The following DSCAM variants were observed in gnomAD, a reference collection of about 807,000 sequenced individuals.
The protein encoded by DSCAM is DS cell adhesion molecule.
DSCAM carries 47 observed loss-of-function variants against 217.7 expected under a neutral mutation model. The observed-to-expected ratio is 0.22, with a 90% confidence interval of 0.17 to 0.28. The LOEUF is 0.28. Ranked by LOEUF, DSCAM falls within the 10% of genes least tolerant of loss-of-function variation. The pLI, the probability that DSCAM is intolerant of heterozygous loss-of-function variation, is 1.00. For missense variants in DSCAM, 2,080 were observed against 2,618.3 expected (o/e 0.79, Z 4.49); for synonymous variants, 1,056 against 1,015.3 (o/e 1.04, Z -0.76).
At chr21:40,843,610 G>A (rs1231450069) in intron 1 of DSCAM, among the ~76,000 whole-genome samples, 2 of 152,118 alleles carry the variant, frequency 1.3e-5, no homozygotes, top group African/African-American at 4.8e-5. Flanking sequence ...CGAGGGACGT[G>A]TGTGGGTGAG....
intron 3 of DSCAM, among the ~76,000 whole-genome samples, chr21:40,493,787 C>T (rs1418592926): frequency 4.0e-5 from 6 of 149,786 alleles, no homozygotes; most frequent in Middle Eastern, 7.1e-3. Flanking sequence ...CACTTGAACC[C>T]GAGAGGCAAA....
At chr21:40,825,106 G>GT (rs147673089) in intron 1 of DSCAM, among the ~76,000 whole-genome samples, 3,921 of 151,758 alleles carry the variant, frequency 0.026, 172 homozygotes, top group African/African-American at 0.091. Flanking sequence ...TTAATATAGT[G>GT]TTTTTTTCTC....
At chr21:40,172,555 C>A (rs1386426616) in intron 15 of DSCAM, among the ~76,000 whole-genome samples, 1 of 152,232 alleles carries the variant, frequency 6.6e-6, no homozygotes, top group East Asian at 1.9e-4. Context: ...CACTGCCCAG[C>A]AGCTCCTGTG....
intron 11 of DSCAM, among the ~76,000 whole-genome samples, chr21:40,254,996 C>T (rs1446716635): frequency 6.6e-6 from 1 of 152,000 alleles, no homozygotes; most frequent in East Asian, 1.9e-4. Context: ...GGTAAAGGCC[C>T]CCTGGTCTAA....
chr21:40,735,444 T>C (rs2091053678), intron 1 of DSCAM, among the ~76,000 whole-genome samples: 2 of 152,238 alleles, frequency 1.3e-5, no homozygotes, highest in African/African-American at 2.4e-5. Context: ...AGAAAGCAAG[T>C]TGGCTATAGG....
intron 3 of DSCAM, among the ~76,000 whole-genome samples, chr21:40,503,686 T>G (rs1453279802): frequency 2.0e-5 from 3 of 152,224 alleles, no homozygotes; most frequent in Non-Finnish European, 2.9e-5. Context: ...TTTAAGTCAT[T>G]AACATTCGTC....
At chr21:40,709,233 T>C (rs1234048594) in intron 1 of DSCAM, among the ~76,000 whole-genome samples, 1 of 152,246 alleles carries the variant, frequency 6.6e-6, no homozygotes. Flanking sequence ...TGTGAATGCC[T>C]AGATCTTGTT....
chr21:40,175,186 T>C (rs1429966262), intron 15 of DSCAM, among the ~76,000 whole-genome samples: 2 of 152,188 alleles, frequency 1.3e-5, no homozygotes, highest in African/African-American at 4.8e-5. Context: ...CTTGGCTCAC[T>C]GCAACCTCCG....
intron 3 of DSCAM, among the ~76,000 whole-genome samples, chr21:40,396,679 G>GCTACTACTA (rs3069907): frequency 3.0e-4 from 45 of 151,164 alleles, no homozygotes; most frequent in African/African-American, 9.7e-4. Context: ...TGCCACTGCT[G>GCTACTACTA]CTACTACTAC....
intron 3 of DSCAM, among the ~76,000 whole-genome samples, chr21:40,649,188 C>G (rs1364581867): frequency 6.6e-6 from 1 of 152,234 alleles, no homozygotes; most frequent in Non-Finnish European, 1.5e-5. Context: ...CAGAAGCCAG[C>G]ACTTTTCAGC....
chr21:40,533,519 A>T (rs2076466407), intron 3 of DSCAM, among the ~76,000 whole-genome samples: 1 of 149,738 alleles, frequency 6.7e-6, no homozygotes, highest in Non-Finnish European at 1.5e-5. Flanking sequence ...CCATCCATCC[A>T]TCCATCTGTC....
chr21:40,411,231 T>C (rs1016382064), intron 3 of DSCAM, among the ~76,000 whole-genome samples: 1 of 147,054 alleles, frequency 6.8e-6, no homozygotes, highest in Non-Finnish European at 1.5e-5. Flanking sequence ...CACTGAATTG[T>C]AGGGGAAAAC....
At chr21:40,510,433 T>C (rs1343127639) in intron 3 of DSCAM, among the ~76,000 whole-genome samples, 1 of 152,238 alleles carries the variant, frequency 6.6e-6, no homozygotes, top group Non-Finnish European at 1.5e-5. Flanking sequence ...GTTAGTATTG[T>C]TGACCAAAAT....
At chr21:40,782,655 A>C (rs956505199) in intron 1 of DSCAM, among the ~76,000 whole-genome samples, 6 of 151,938 alleles carry the variant, frequency 3.9e-5, no homozygotes, top group Non-Finnish European at 1.5e-5. Flanking sequence ...ATTTGAGTAC[A>C]GGAGGTTGAG....
At chr21:40,334,493 T>C (rs935034443) in intron 8 of DSCAM, among the ~76,000 whole-genome samples, 5 of 151,752 alleles carry the variant, frequency 3.3e-5, no homozygotes, top group Admixed American at 6.6e-5. Context: ...AGATCCGGAG[T>C]CTGTCTTCTA....
chr21:40,489,841 C>A (rs952794073), intron 3 of DSCAM, among the ~76,000 whole-genome samples: 70 of 138,100 alleles, frequency 5.1e-4, no homozygotes, highest in African/African-American at 1.7e-3. Flanking sequence ...AACCCTAAGA[C>A]ATCTTCCATC....
chr21:40,082,481 A>G (rs2089476456), intron 24 of DSCAM, among the ~76,000 whole-genome samples: 1 of 152,152 alleles, frequency 6.6e-6, no homozygotes, highest in Non-Finnish European at 1.5e-5. Context: ...ACAAAAAAGA[A>G]AGTCATTAGA....
chr21:40,267,699 C>T (rs1244636993), intron 11 of DSCAM, among the ~76,000 whole-genome samples: 1 of 152,056 alleles, frequency 6.6e-6, no homozygotes, highest in African/African-American at 2.4e-5. Context: ...GAGTTTGAGA[C>T]CAGCCTGGCC....
intron 3 of DSCAM, among the ~76,000 whole-genome samples, chr21:40,563,682 GT>G (rs1188537308): frequency 2.0e-5 from 2 of 100,350 alleles, no homozygotes; most frequent in African/African-American, 4.4e-5. Context: ...ATGTTTATAT[GT>G]TTATATATAG....
Sources: allele counts gnomAD v4.1 joint callset (sites outside exome capture counted in the v4.1 genomes callset), GRCh38; gene constraint gnomAD v4.1.1; transcripts MANE v1.5; gene names NCBI Gene and HGNC (gene_info 2026-07-23, HGNC 2026-07-21).